Variants in CNTNAP5 observed in about 807,000 individuals in gnomAD.
CNTNAP5 encodes contactin associated protein family member 5.
CNTNAP5 carries 72 observed loss-of-function variants against 150.2 expected under a neutral mutation model. That is an observed-to-expected ratio of 0.48 (90% CI 0.40 to 0.58). The LOEUF is 0.58. Among genes scored for constraint, CNTNAP5 ranks in the 20% least tolerant of loss-of-function variants. The probability of loss-of-function intolerance (pLI) is 0.00; values close to 1 mark genes in which losing one functional copy is unlikely to be tolerated. For synonymous variants in CNTNAP5, 672 were observed against 619.8 expected (o/e 1.08, Z -1.25); for missense variants, 1,636 against 1,626.2 (o/e 1.01, Z -0.10).
At chr2:124,182,990 G>A (rs543668202) in intron 1 of CNTNAP5, among the ~76,000 whole-genome samples, 2 of 152,266 alleles carry the variant, frequency 1.3e-5, no homozygotes, top group Non-Finnish European at 2.9e-5. Flanking sequence ...CAAGTAGCAA[G>A]TAAATAGCAA....
chr2:124,747,094 G>A, intron 13 of CNTNAP5, 135 bp from the exon 14 acceptor site: 2 of 681,492 alleles, frequency 2.9e-6, no homozygotes, highest in South Asian at 6.8e-5. Context: ...TGTGAGGGAG[G>A]GAAGAAGACA....
At chr2:124,176,526 A>G (rs955748911) in intron 1 of CNTNAP5, among the ~76,000 whole-genome samples, 1 of 152,200 alleles carries the variant, frequency 6.6e-6, no homozygotes, top group Admixed American at 6.5e-5. Context: ...AAAGGCATAC[A>G]AATTTACTTG....
intron 1 of CNTNAP5, among the ~76,000 whole-genome samples, chr2:124,190,235 G>A (rs985996159): frequency 1.3e-5 from 2 of 152,122 alleles, no homozygotes; most frequent in Non-Finnish European, 2.9e-5. Context: ...GGATATAAGA[G>A]CCACTATTAG....
chr2:124,679,314 T>C (rs1335211580), intron 13 of CNTNAP5, among the ~76,000 whole-genome samples: 1 of 151,910 alleles, frequency 6.6e-6, no homozygotes, highest in Non-Finnish European at 1.5e-5. Flanking sequence ...TCTTTATTAA[T>C]AGGAGGATCT....
intron 13 of CNTNAP5, among the ~76,000 whole-genome samples, chr2:124,713,427 C>T (rs1221428759): frequency 6.8e-6 from 1 of 147,186 alleles, no homozygotes; most frequent in Non-Finnish European, 1.5e-5. Context: ...ACCCAGGCTA[C>T]AGTGCAGTGA....
At chr2:124,054,323 G>C (rs776792703) in intron 1 of CNTNAP5, among the ~76,000 whole-genome samples, 1 of 152,068 alleles carries the variant, frequency 6.6e-6, no homozygotes, top group African/African-American at 2.4e-5. Flanking sequence ...GGCTTTTAAA[G>C]GAATATGATG....
intron 1 of CNTNAP5, among the ~76,000 whole-genome samples, chr2:124,188,227 A>G (rs1340744197): frequency 1.3e-5 from 2 of 152,330 alleles, no homozygotes; most frequent in Non-Finnish European, 2.9e-5. Flanking sequence ...ACGATTCACC[A>G]TAGAAAACAA....
intron 1 of CNTNAP5, among the ~76,000 whole-genome samples, chr2:124,123,237 C>T (rs1683609574): frequency 6.6e-6 from 1 of 152,116 alleles, no homozygotes; most frequent in Non-Finnish European, 1.5e-5. Flanking sequence ...TAGCAAATGG[C>T]ACACCAGGAG....
chr2:124,732,510 C>T (rs139716440), intron 13 of CNTNAP5, among the ~76,000 whole-genome samples: 3 of 152,174 alleles, frequency 2.0e-5, no homozygotes, highest in African/African-American at 7.2e-5. Context: ...CCTTCTACCT[C>T]GCAAGGACAC....
chr2:124,349,947 C>T (rs150665665), intron 3 of CNTNAP5, among the ~76,000 whole-genome samples: 4,149 of 134,884 alleles, frequency 0.031, 86 homozygotes, highest in South Asian at 0.041. Context: ...TGCAACGGCG[C>T]GATCTTGGCT....
chr2:124,445,426 GGGAGGTAA>G (rs1692789462), intron 5 of CNTNAP5, among the ~76,000 whole-genome samples: 1 of 152,152 alleles, frequency 6.6e-6, no homozygotes, highest in Non-Finnish European at 1.5e-5. Context: ...GAGAAAGAAA[GGGAGGTAA>G]GGAGAAAAAA....
chr2:124,056,895 CTGGTTACCCA>C (rs1681864214), intron 1 of CNTNAP5, among the ~76,000 whole-genome samples: 1 of 152,216 alleles, frequency 6.6e-6, no homozygotes, highest in Admixed American at 6.5e-5. Context: ...CTCTGCTTTT[CTGGTTACCCA>C]TTCTCAGCAT....
chr2:124,720,466 T>G (rs1680026853), intron 13 of CNTNAP5, among the ~76,000 whole-genome samples: 1 of 152,172 alleles, frequency 6.6e-6, no homozygotes, highest in African/African-American at 2.4e-5. Flanking sequence ...ACAATTGATT[T>G]AACCAGAAAT....
chr2:124,460,157 C>T (rs1693212971), intron 6 of CNTNAP5, among the ~76,000 whole-genome samples: 1 of 152,108 alleles, frequency 6.6e-6, no homozygotes, highest in Admixed American at 6.5e-5. Context: ...GTTTAAAAAA[C>T]AGAAGAGAAC....
intron 3 of CNTNAP5, among the ~76,000 whole-genome samples, chr2:124,412,572 G>A (rs1424141215): frequency 1.3e-5 from 2 of 151,336 alleles, no homozygotes; most frequent in Admixed American, 6.6e-5. Context: ...CAGAAATAAC[G>A]CTGCATATCT....
At position 124,099,075 on chromosome 2, in the gene CNTNAP5, T is replaced by G. The variant is rs1045365042; in HGVS notation, c.82+73343T>G. Among the ~76,000 whole-genome samples the G allele has an allele frequency of 2.0e-5, 3 of 152,212 alleles. No individual in the cohort carries two copies. In the East Asian group the frequency reaches 5.8e-4, roughly 29 times the overall value. ...GGACCTTCGTAACACAAGATCTGCC[T>G]ATTTCTTCAGACTCATGCCGCATAT... On this transcript the variant is annotated intron_variant, in intron 1 of 23. Coordinates refer to ENST00000682447, the MANE Select transcript of CNTNAP5 (RefSeq NM_001367498.1).
intron 21 of CNTNAP5, among the ~76,000 whole-genome samples, chr2:124,872,658 T>C (rs994979668): frequency 6.6e-6 from 1 of 151,836 alleles, no homozygotes; most frequent in African/African-American, 2.4e-5. Context: ...TTAGCGGAAA[T>C]GTTGTTACTA....
intron 3 of CNTNAP5, among the ~76,000 whole-genome samples, chr2:124,280,685 G>A (rs939390830): frequency 6.6e-6 from 1 of 151,938 alleles, no homozygotes; most frequent in African/African-American, 2.4e-5. Context: ...TAGCTTTGGA[G>A]GCCCCAGTCC....
At chr2:124,867,999 G>A (rs1374522968) in intron 20 of CNTNAP5, among the ~76,000 whole-genome samples, 2 of 152,120 alleles carry the variant, frequency 1.3e-5, no homozygotes, top group African/African-American at 4.8e-5. Context: ...CAAAATTGTG[G>A]TATTCTCCTT....
Sources: allele counts gnomAD v4.1 joint callset (sites outside exome capture counted in the v4.1 genomes callset), GRCh38; gene constraint gnomAD v4.1.1; transcripts MANE v1.5; gene names NCBI Gene and HGNC (gene_info 2026-07-23, HGNC 2026-07-21).